The following KDM5B variants were observed in gnomAD, a reference collection of about 807,000 sequenced individuals.
KDM5B encodes lysine demethylase 5B.
Under a neutral mutation model 193.4 loss-of-function variants are expected in KDM5B, and 144 were observed. That is an observed-to-expected ratio of 0.74 (90% confidence interval 0.65 to 0.86). The LOEUF (loss-of-function observed/expected upper bound fraction) is 0.86, where lower values mean the gene tolerates loss of function less well. KDM5B is among the 40% of genes least tolerant of loss of function. The pLI is 0.00. For missense variants in KDM5B, 1,833 were observed against 1,886.9 expected, an observed-to-expected ratio of 0.97 and a Z score of 0.53; for synonymous variants, 668 against 682.6, an observed-to-expected ratio of 0.98 and a Z score of 0.33.
intron 1 of KDM5B, among the ~76,000 whole-genome samples, chr1:202,779,352 G>A (rs994843626): frequency 3.3e-5 from 5 of 151,916 alleles, no homozygotes; most frequent in Non-Finnish European, 7.4e-5. Context: ...GGTGGCACGC[G>A]GCTGTAGTCC....
In KDM5B at chr1:202,741,678, T is replaced by G; in HGVS notation, c.2634A>C (p.Lys878Asn). ...RVEDFQQHSQ[K>N]LLSEETPSAA... is the part of the protein sequence containing the mutation. ...CACTAGGCGTTTCCTCAGAGAGTAGTTTCTGACTATGCTGTTGAAAATCTT... is the reference window on the plus strand; with the variant it reads ...CACTAGGCGTTTCCTCAGAGAGTAGGTTCTGACTATGCTGTTGAAAATCTT... The change falls in exon 19 of 27, where the codon AAA (lysine) becomes AAC (asparagine). Residue 878 changes from lysine (K) to asparagine (N), a missense_variant. Coordinates refer to ENST00000367265, the MANE Select transcript of KDM5B (RefSeq NM_006618.5). 1 of 1,613,540 alleles carries G rather than the reference T, an allele frequency of 6.2e-7. No homozygotes were observed. The highest frequency in any genetic ancestry group is 8.5e-7 in the Non-Finnish European group (1 of 1,179,822).
Position 202,772,786 on chromosome 1 carries a change from T to C in KDM5B, c.576+332A>G, listed in dbSNP as rs558088395. On this transcript the variant is annotated intron_variant, in intron 4 of 26. Transcript: ENST00000367265. ...ATCTCGGCTCACTGCAACCTCCACC[T>C]TCCGGGTTCAAGCGGTTCTCCTGCC... Among the ~76,000 whole-genome samples, 10 of 152,112 alleles carry C rather than the reference T, an allele frequency of 6.6e-5. No homozygotes were observed. The East Asian group carries it at 1.9e-3, about 29-fold the overall frequency.
chr1:202,798,251 G>A (rs376357730), intron 1 of KDM5B, among the ~76,000 whole-genome samples: 1 of 151,350 alleles, frequency 6.6e-6, no homozygotes, highest in African/African-American at 2.4e-5. Flanking sequence ...CCAATTGAAG[G>A]ATTATAGTCT....
At chr1:202,770,319 C>A (rs1656659351) in intron 4 of KDM5B, among the ~76,000 whole-genome samples, 1 of 152,136 alleles carries the variant, frequency 6.6e-6, no homozygotes, top group African/African-American at 2.4e-5. Flanking sequence ...CATGATGATG[C>A]AAGATTGAGG....
chr1:202,736,122 A>C, intron 21 of KDM5B, 91 bp downstream of exon 21: 1 of 917,156 alleles, frequency 1.1e-6, no homozygotes, highest in African/African-American at 1.7e-5. Flanking sequence ...ATATAGATTA[A>C]TCTGTGATGT....
intron 10 of KDM5B, 134 bp downstream of exon 10, chr1:202,756,224 G>T: frequency 1.4e-6 from 1 of 738,730 alleles, no homozygotes; most frequent in Non-Finnish European, 2.2e-6. Flanking sequence ...TCTTCTGTAG[G>T]CTCTTTCTAC....
At chr1:202,792,138 G>T (rs1657664775) in intron 1 of KDM5B, among the ~76,000 whole-genome samples, 1 of 152,058 alleles carries the variant, frequency 6.6e-6, no homozygotes, top group Non-Finnish European at 1.5e-5. Context: ...GTAGAACTGA[G>T]AAATTTCTGA....
intron 12 of KDM5B, among the ~76,000 whole-genome samples, chr1:202,751,864 A>G (rs891840704): frequency 3.3e-5 from 5 of 152,190 alleles, no homozygotes; most frequent in Non-Finnish European, 7.3e-5. Flanking sequence ...ACTCTTAACA[A>G]ATTGGAAAAA....
At chr1:202,739,053 G>A (rs1303760140) in intron 20 of KDM5B, among the ~76,000 whole-genome samples, 1 of 152,036 alleles carries the variant, frequency 6.6e-6, no homozygotes, top group Non-Finnish European at 1.5e-5. Context: ...CTGGGCCTTG[G>A]GGCTTAGCTG....
chr1:202,734,642 A>G (rs1655029175), intron 22 of KDM5B, among the ~76,000 whole-genome samples: 1 of 152,254 alleles, frequency 6.6e-6, no homozygotes, highest in African/African-American at 2.4e-5. Flanking sequence ...CTTTATAAAA[A>G]CAAACCACAG....
At chr1:202,730,072 T>C in intron 25 of KDM5B, 45 bp from the exon 26 acceptor site, 1 of 1,476,178 alleles carries the variant, frequency 6.8e-7, no homozygotes, top group Non-Finnish European at 9.2e-7. Flanking sequence ...ATGGGTCACC[T>C]ATTACTAAAA....
intron 21 of KDM5B, 141 bp downstream of exon 21, chr1:202,736,072 G>T: frequency 1.8e-6 from 1 of 568,266 alleles, no homozygotes; most frequent in Non-Finnish European, 2.8e-6. Flanking sequence ...CAGAAAATTA[G>T]AAGAGTCTCC....
Position 202,731,834 on chromosome 1 carries a change from G to A in KDM5B, c.4015C>T (p.Leu1339Phe), listed in dbSNP as rs750748976. 9.4e-6 allele frequency: 15 copies of A among 1,603,026 alleles called. No individual in the cohort carries two copies. The highest frequency in any genetic ancestry group is 4.5e-5 in the East Asian group (2 of 44,812). The change falls in exon 24 of 27, where the codon CTC becomes TTC. Residue 1339 changes from leucine (L) to phenylalanine (F), a missense_variant. Leu to Phe is a conservative substitution (Grantham distance 22). Coordinates refer to ENST00000367265, the MANE Select transcript of KDM5B (RefSeq NM_006618.5). ...GTAATAACAAAATACAAACCATGGA[G>A]GGGGATACAACTTCGTCCAGTTGAG... ...PFSTGRSCIP[L>F]HGVSPEVNEL...
chr1:202,777,022 A>G lies in KDM5B; in HGVS notation c.277T>C (p.Leu93=), dbSNP rs571072850. ...AACAATAGTGAAGACATTACCTCCAATTCATTCAGTCTCTGGATACGTGGC... is the reference window on the plus strand; with the variant it reads ...AACAATAGTGAAGACATTACCTCCAGTTCATTCAGTCTCTGGATACGTGGC... The part of the protein sequence containing the change: ...FTPRIQRLNE[L]EAQTRVKLNF... The change falls in exon 2 of 27, where the codon TTG becomes CTG. Residue 93 remains leucine (L), a synonymous_variant. Coordinates refer to ENST00000367265, the MANE Select transcript of KDM5B (RefSeq NM_006618.5). 2 of 1,606,236 alleles carry G rather than the reference A, an allele frequency of 1.2e-6. No homozygotes were observed. Among genetic ancestry groups the G allele is most frequent in the Admixed American group, 3.3e-5 (2 of 60,012 alleles).
At chr1:202,764,517 C>A (rs1656370563) in intron 5 of KDM5B, among the ~76,000 whole-genome samples, 1 of 152,118 alleles carries the variant, frequency 6.6e-6, no homozygotes, top group Non-Finnish European at 1.5e-5. Flanking sequence ...CACCTGTAGT[C>A]CCAGCTACTT....
At chr1:202,804,974 T>C (rs4553255) in intron 1 of KDM5B, among the ~76,000 whole-genome samples, 59,795 of 151,978 alleles carry the variant, frequency 0.39, 14,125 homozygotes, top group Non-Finnish European at 0.52. Context: ...CTATCAAAAT[T>C]TGGGAGACAA....
chr1:202,792,431 C>T (rs944505004), intron 1 of KDM5B, among the ~76,000 whole-genome samples: 8 of 151,978 alleles, frequency 5.3e-5, no homozygotes, highest in South Asian at 2.1e-4. Context: ...TAATGGGAGG[C>T]AGTGGTACAT....
intron 25 of KDM5B, among the ~76,000 whole-genome samples, chr1:202,730,669 TAA>T (rs1654850197): frequency 6.6e-6 from 1 of 152,166 alleles, no homozygotes; most frequent in South Asian, 2.1e-4. Flanking sequence ...TCAGGGGCCT[TAA>T]ATGTGATGGG....
intron 1 of KDM5B, among the ~76,000 whole-genome samples, chr1:202,789,644 A>G (rs1226264488): frequency 1.3e-4 from 1 of 7,752 alleles, no homozygotes; most frequent in East Asian, 3.7e-3. Flanking sequence ...GACAAATTCA[A>G]GACCAGCCAG....
Sources: allele counts gnomAD v4.1 joint callset (sites outside exome capture counted in the v4.1 genomes callset), GRCh38; gene constraint gnomAD v4.1.1; transcripts MANE v1.5; gene names NCBI Gene and HGNC (gene_info 2026-07-23, HGNC 2026-07-21).